E2F3: variants seen among roughly 807,000 people sequenced by gnomAD.
E2F3 encodes the protein transcription factor E2F3.
In E2F3, 11 loss-of-function variants were observed where a neutral mutation model predicts 44.4. The observed-to-expected ratio is 0.25, with a 90% CI of 0.16 to 0.41. E2F3 has a LOEUF of 0.41. Among genes scored for constraint, E2F3 ranks in the 10% least tolerant of loss-of-function variants. The pLI is 1.00. For missense variants in E2F3, 487 were observed against 583.6 expected (o/e 0.83, Z 1.70); for synonymous variants, 249 against 253.0 (o/e 0.98, Z 0.15).
At chr6:20,487,479 A>T (rs1412560556) in intron 5 of E2F3, among the ~76,000 whole-genome samples, 1 of 152,196 alleles carries the variant, frequency 6.6e-6, no homozygotes, top group African/African-American at 2.4e-5. Context: ...CTCTTAATAG[A>T]TGCAGTTCCT....
intron 1 of E2F3, among the ~76,000 whole-genome samples, chr6:20,459,525 GA>G (rs1305962045): frequency 3.3e-5 from 5 of 152,118 alleles, no homozygotes; most frequent in East Asian, 3.9e-4. Context: ...CGTTTACATT[GA>G]TTTTTTTTAA....
Position 20,457,292 on chromosome 6 carries a change from G to A in E2F3, c.394-22554G>A, listed in dbSNP as rs138917622. ...CAGGTTCAAGCGATTCTCCCGTCTC[G>A]GCCTCCCAAGTAGCTGGGATTACAA... On this transcript the variant is annotated intron_variant, in intron 1 of 6. Coordinates refer to ENST00000346618, the MANE Select transcript of E2F3 (RefSeq NM_001949.5). Among the ~76,000 whole-genome samples the A allele has an allele frequency of 3.9e-4, 59 of 151,094 alleles. No individual in the cohort carries two copies. In the East Asian group the frequency reaches 0.011, roughly 27 times the overall value.
chr6:20,469,262 T>C lies in E2F3; in HGVS notation c.394-10584T>C, dbSNP rs568525259. On this transcript the variant is annotated intron_variant, in intron 1 of 6. Transcript: ENST00000346618. ...TTAACCAAAACTAATTATGTAACTATTGGGGGGAAATGGAAGAAGTGAGAT... is the reference window on the plus strand; with the variant it reads ...TTAACCAAAACTAATTATGTAACTACTGGGGGGAAATGGAAGAAGTGAGAT... Among the ~76,000 whole-genome samples the C allele has an allele frequency of 4.9e-4, 75 of 152,288 alleles. 2 individuals are homozygous for C. In the South Asian group the frequency reaches 0.014, roughly 28 times the overall value.
At chr6:20,456,268 A>G (rs970992754) in intron 1 of E2F3, among the ~76,000 whole-genome samples, 2 of 151,844 alleles carry the variant, frequency 1.3e-5, no homozygotes, top group East Asian at 1.9e-4. Context: ...ACCGAGACCC[A>G]GGGAACTCAA....
intron 1 of E2F3, among the ~76,000 whole-genome samples, chr6:20,461,480 C>T (rs977145696): frequency 6.6e-6 from 1 of 152,008 alleles, no homozygotes; most frequent in Non-Finnish European, 1.5e-5. Context: ...GGCGACAGAG[C>T]GAGACAATAC....
intron 1 of E2F3, among the ~76,000 whole-genome samples, chr6:20,427,505 C>T (rs912341355): frequency 1.3e-5 from 2 of 152,260 alleles, no homozygotes; most frequent in East Asian, 1.9e-4. Context: ...CTTTTCACCT[C>T]AGGGCTCCAG....
At chr6:20,467,675 C>T (rs1036699299) in intron 1 of E2F3, among the ~76,000 whole-genome samples, 1 of 152,162 alleles carries the variant, frequency 6.6e-6, no homozygotes, top group Non-Finnish European at 1.5e-5. Context: ...GGTCTGGCAT[C>T]GAGGTTTGGC....
chr6:20,462,091 TTC>T (rs1761529022), intron 1 of E2F3, among the ~76,000 whole-genome samples: 1 of 152,242 alleles, frequency 6.6e-6, no homozygotes, highest in African/African-American at 2.4e-5. Flanking sequence ...GGGTTATATG[TTC>T]TTTTCTTACT....
At chr6:20,448,464 T>TAA (rs949446272) in intron 1 of E2F3, among the ~76,000 whole-genome samples, 9 of 150,612 alleles carry the variant, frequency 6.0e-5, no homozygotes, top group African/African-American at 2.2e-4. Context: ...TGTATATGTA[T>TAA]ACACACACAC....
intron 1 of E2F3, among the ~76,000 whole-genome samples, chr6:20,403,427 C>T (rs1759377827): frequency 6.6e-6 from 1 of 152,132 alleles, no homozygotes; most frequent in Non-Finnish European, 1.5e-5. Context: ...CCTTCCCCGC[C>T]CTGTCCCCCT....
chr6:20,423,439 A>G (rs1161416549), intron 1 of E2F3, among the ~76,000 whole-genome samples: 1 of 152,342 alleles, frequency 6.6e-6, no homozygotes, highest in East Asian at 1.9e-4. Context: ...GACTGAAAGC[A>G]TCATTGTTTG....
chr6:20,422,336 G>C (rs2127590248), intron 1 of E2F3, among the ~76,000 whole-genome samples: 1 of 152,322 alleles, frequency 6.6e-6, no homozygotes, highest in East Asian at 1.9e-4. Context: ...ATTAGGCTTT[G>C]GCTTAAGGGA....
At chr6:20,471,352 G>T (rs1167354535) in intron 1 of E2F3, among the ~76,000 whole-genome samples, 1 of 152,188 alleles carries the variant, frequency 6.6e-6, no homozygotes, top group African/African-American at 2.4e-5. Flanking sequence ...GGAGGCCGAA[G>T]CGGGTGCATC....
At chr6:20,429,969 T>C (rs1760345052) in intron 1 of E2F3, among the ~76,000 whole-genome samples, 1 of 152,134 alleles carries the variant, frequency 6.6e-6, no homozygotes, top group East Asian at 1.9e-4. Flanking sequence ...GAGCCATCAG[T>C]TCTAAAATGA....
chr6:20,488,390 G>T, intron 6 of E2F3, 142 bp downstream of exon 6: 2 of 1,052,216 alleles, frequency 1.9e-6, no homozygotes, highest in Non-Finnish European at 2.6e-6. Context: ...CATTCTGACT[G>T]GTTTGCAGAA....
At chr6:20,442,582 G>T (rs1760812774) in intron 1 of E2F3, among the ~76,000 whole-genome samples, 1 of 152,214 alleles carries the variant, frequency 6.6e-6, no homozygotes, top group Admixed American at 6.5e-5. Context: ...TTGATATGTT[G>T]TGTGTATATT....
chr6:20,409,097 T>C (rs1759582744), intron 1 of E2F3, among the ~76,000 whole-genome samples: 1 of 152,236 alleles, frequency 6.6e-6, no homozygotes, highest in African/African-American at 2.4e-5. Flanking sequence ...CTTGAATTCT[T>C]AGAAGCCTCA....
In E2F3 at chr6:20,488,184, A is replaced by G. The variant is rs1297607264; in HGVS notation, c.1071A>G (p.Thr357=). The change falls in exon 6 of 7, where the codon ACA becomes ACG. Residue 357 remains threonine (T), a synonymous_variant. Coordinates refer to ENST00000346618, the MANE Select transcript of E2F3 (RefSeq NM_001949.5). ...ACTTATGTCCAGAAGAGACTGAAAC[A>G]CACAGTCCAATGAAAACAAACAACC... The part of the protein sequence containing the change: ...EVYLCPEETE[T]HSPMKTNNQD... 6.2e-7 allele frequency: 1 copy of G among 1,613,184 alleles called. No homozygotes were observed. The highest frequency in any genetic ancestry group is 2.2e-5 in the East Asian group (1 of 44,884).
intron 1 of E2F3, among the ~76,000 whole-genome samples, chr6:20,433,084 C>T (rs1028109554): frequency 3.3e-5 from 5 of 152,144 alleles, no homozygotes; most frequent in Admixed American, 1.3e-4. Context: ...CAATGTTGCC[C>T]GACGCTCACT....
Sources: allele counts gnomAD v4.1 joint callset (sites outside exome capture counted in the v4.1 genomes callset), GRCh38; gene constraint gnomAD v4.1.1; transcripts MANE v1.5; gene names NCBI Gene and HGNC (gene_info 2026-07-23, HGNC 2026-07-21).